Variants in MPG observed in about 807,000 individuals in gnomAD.
The protein encoded by MPG is DNA-3-methyladenine glycosylase.
Under a neutral mutation model 31.7 loss-of-function variants are expected in MPG, and 33 were observed. The observed-to-expected ratio is 1.04, with a 90% CI of 0.79 to 1.39. The LOEUF is 1.39. MPG is among the 40% of genes most tolerant of loss of function. The pLI, the probability that MPG is intolerant of heterozygous loss-of-function variation, is 0.00. For missense variants in MPG, 455 were observed against 415.5 expected (o/e 1.10, Z -0.83); for synonymous variants, 202 against 169.2 (o/e 1.19, Z -1.51).
chr16:79,090 AG>A, intron 1 of MPG: 2 of 1,444,374 alleles, frequency 1.4e-6, no homozygotes, highest in Non-Finnish European at 1.8e-6. Context: ...TGGGAATCGG[AG>A]GGCACCAGCC....
In MPG at chr16:78,250, G is replaced by T. The variant is rs946600819; in HGVS notation, c.-60G>T. The T allele has an allele frequency of 2.9e-6, 4 of 1,364,256 alleles. No individual in the cohort carries two copies. The East Asian group carries it at 1.3e-4, about 44-fold the overall frequency. The allele number at this position is 1,364,256 out of a possible 1,614,324, so 84.5% of individuals were successfully genotyped here. On this transcript the variant is annotated 5_prime_UTR_variant, in exon 1 of 4. Transcript: ENST00000356432. ...GGTCCTAGGGGTGCTTCCGTGGTCG[G>T]CGGCTGCTGGGCTCCGCGCCGGGGT...
intron 1 of MPG, among the ~76,000 whole-genome samples, chr16:78,961 CCT>C (rs771362692): frequency 3.3e-5 from 5 of 151,824 alleles, no homozygotes; most frequent in African/African-American, 4.9e-5. Flanking sequence ...CTCACCCCTC[CCT>C]GTGTGTCCGA....
At chr16:82,514 T>G (rs1357668392) in intron 2 of MPG, among the ~76,000 whole-genome samples, 4 of 151,940 alleles carry the variant, frequency 2.6e-5, no homozygotes, top group African/African-American at 9.7e-5. Context: ...CAGCTGGGCC[T>G]ACTGCTCAGA....
chr16:79,280 A>G (rs778674432), intron 1 of MPG, 145 bp from the exon 2 acceptor site: 12 of 1,572,728 alleles, frequency 7.6e-6, no homozygotes, highest in African/African-American at 4.1e-5. Flanking sequence ...TGTGCCTCAT[A>G]ACAACCCACA....
chr16:83,035 A>G lies in MPG; in HGVS notation c.301-17A>G. 2 of 1,574,670 alleles carry G rather than the reference A, an allele frequency of 1.3e-6. No individual in the cohort carries two copies. The highest frequency in any genetic ancestry group is 4.5e-5 in the East Asian group (2 of 44,418). On this transcript the variant is annotated splice_polypyrimidine_tract_variant and intron_variant, in intron 2 of 3. Transcript: ENST00000356432. The stretch of plus-strand genomic sequence containing the variant: ...CCCCATCCCTTCCCGCCCTGAGCAG[A>G]AACTGACTGCCCACAGGTCCTAGTC...
chr16:78,956 C>T (rs1348479611), intron 1 of MPG, among the ~76,000 whole-genome samples: 3 of 151,938 alleles, frequency 2.0e-5, no homozygotes, highest in Non-Finnish European at 4.4e-5. Flanking sequence ...CGGTGCTCAC[C>T]CCTCCCTGTG....
At chr16:83,030 A>G in intron 2 of MPG, 22 bp from the exon 3 acceptor site, 2 of 1,565,090 alleles carry the variant, frequency 1.3e-6, no homozygotes, top group East Asian at 2.3e-5. Flanking sequence ...TCCCGCCCTG[A>G]GCAGAAACTG....
Position 83,062 on chromosome 16 carries a change from G to A in MPG, c.311G>A (p.Arg104Gln), listed in dbSNP as rs144044199. 209 of 1,601,124 alleles carry A rather than the reference G, an allele frequency of 1.3e-4. No homozygotes were observed. The highest frequency in any genetic ancestry group is 1.4e-4 in the Non-Finnish European group (160 of 1,172,154). ...ACTGACTGCCCACAGGTCCTAGTCC[G>A]GCGACTTCCTAATGGCACAGAACTC... ...ARAFLGQVLV[R>Q]RLPNGTELRG... Residue 104 changes from arginine (R) to glutamine (Q), a missense_variant, in exon 3 of 4, where the codon CGG becomes CAG. Transcript: ENST00000356432.
In MPG at chr16:85,516, C is replaced by T. The variant is rs200202323; in HGVS notation, c.621C>T (p.Arg207=). Residue 207 remains arginine, a synonymous_variant, in exon 4 of 4, where the codon CGC becomes CGT. Coordinates refer to ENST00000356432, the MANE Select transcript of MPG (RefSeq NM_001015052.3). The part of the protein sequence containing the change: ...KGTASRVLKD[R]ELCSGPSKLC... ...CCGCCAGCCGTGTCCTCAAGGACCG[C>T]GAGCTCTGCAGTGGCCCCTCCAAGC... is the stretch of plus-strand genomic sequence containing the variant. 141 of 1,613,358 alleles carry T rather than the reference C, an allele frequency of 8.7e-5. No homozygotes were observed. The highest frequency in any genetic ancestry group is 1.2e-4 in the Admixed American group (7 of 60,024).
intron 2 of MPG, among the ~76,000 whole-genome samples, chr16:81,088 C>T (rs899721247): frequency 6.6e-6 from 1 of 152,166 alleles, no homozygotes; most frequent in Non-Finnish European, 1.5e-5. Context: ...CTTGCAGACC[C>T]CTCAGCCAGG....
At chr16:78,419 C>CG (rs1898150197) in intron 1 of MPG, 86 bp downstream of exon 1, 1 of 1,082,488 alleles carries the variant, frequency 9.2e-7, no homozygotes. Context: ...GCGGGAGTGC[C>CG]GGGGACGGGC....
chr16:77,655 T>G (rs73495108), upstream of MPG, among the ~76,000 whole-genome samples: 30 of 152,254 alleles, frequency 2.0e-4, no homozygotes, highest in African/African-American at 7.0e-4. Flanking sequence ...CGCCGCTCCC[T>G]CCTTCCTTCC....
At chr16:77,578 G>T (rs3176364), upstream of MPG, among the ~76,000 whole-genome samples, 1 of 152,098 alleles carries the variant, frequency 6.6e-6, no homozygotes, top group African/African-American at 2.4e-5. Flanking sequence ...CCAGAACGTG[G>T]GCGAGCTCCC....
rs577976419 is a variant in MPG at position 83,448 on chromosome 16, G to A, written c.505+192G>A. Reference sequence around the variant, plus strand: ...GCTGGTTAGGTTAAAGGGGTAGAAAGGGCCGGGTGGGGCCGGGCGCGGTGG... The same window carrying A: ...GCTGGTTAGGTTAAAGGGGTAGAAAAGGCCGGGTGGGGCCGGGCGCGGTGG... On this transcript the variant is annotated intron_variant, in intron 3 of 3. Transcript: ENST00000356432. 221 of 583,914 alleles carry A rather than the reference G, an allele frequency of 3.8e-4. 5 individuals are homozygous for A. The South Asian group carries it at 4.6e-3, about 12-fold the overall frequency. 36.2% of individuals were successfully genotyped at this position (583,914 alleles called of 1,614,324 possible).
At chr16:79,248 G>A (rs1311198424) in intron 1 of MPG, 177 bp from the exon 2 acceptor site, 3 of 1,552,832 alleles carry the variant, frequency 1.9e-6, no homozygotes, top group African/African-American at 1.4e-5. Flanking sequence ...ATTTCCTGAG[G>A]CCTCGAGTGT....
chr16:85,440 T>C lies in MPG; in HGVS notation c.545T>C (p.Leu182Pro), dbSNP rs1315280988. The C allele has an allele frequency of 8.7e-6, 14 of 1,611,926 alleles. No individual in the cohort carries two copies. In the South Asian group the frequency reaches 1.1e-4, roughly 13 times the overall value. The change falls in exon 4 of 4, where the codon CTG (leucine) becomes CCG (proline). Residue 182 changes from leucine to proline, a missense_variant. Transcript: ENST00000356432. ...GTCTTGCTGCGAGCACTGGAGCCCC[T>C]GGAAGGTCTGGAGACCATGCGTCAG... The part of the protein sequence containing the change: ...ACVLLRALEP[L>P]EGLETMRQLR...
rs1567123202 is a variant in MPG at position 79,528 on chromosome 16, C to T, written c.128C>T (p.Ser43Leu). Residue 43 changes from serine to leucine, a missense_variant, in exon 2 of 4, where the codon TCG becomes TTG. Physicochemically the swap from Ser to Leu is moderately radical, Grantham distance 145. Transcript: ENST00000356432. The part of the protein sequence containing the change: ...AQAPAEQPHS[S>L]SDAAQAPCPR... ...GCACCTGCAGAGCAGCCACACAGCT[C>T]GTCCGATGCAGCCCAGGCACCTTGC... is the stretch of plus-strand genomic sequence containing the variant. 15 of 1,612,920 alleles carry T rather than the reference C, an allele frequency of 9.3e-6. No homozygotes were observed. The highest frequency in any genetic ancestry group is 1.0e-5 in the Non-Finnish European group (12 of 1,179,944).
At position 78,237 on chromosome 16, in the gene MPG, G is replaced by C. The variant is rs1898142788; in HGVS notation, c.-73G>C. ...GCCGCTCCGCCCCGGTCCTAGGGGT[G>C]CTTCCGTGGTCGGCGGCTGCTGGGC... On this transcript the variant is annotated 5_prime_UTR_variant, in exon 1 of 4. Coordinates refer to ENST00000356432, the MANE Select transcript of MPG (RefSeq NM_001015052.3). 1 of 1,338,326 alleles carries C rather than the reference G, an allele frequency of 7.5e-7. No homozygotes were observed. 82.9% of individuals were successfully genotyped at this position (1,338,326 alleles called of 1,614,324 possible).
intron 3 of MPG, among the ~76,000 whole-genome samples, chr16:84,929 C>G (rs1898380657): frequency 6.6e-6 from 1 of 152,254 alleles, no homozygotes; most frequent in Admixed American, 6.5e-5. Context: ...TGGGGCCTGG[C>G]TAGGCCAAGG....
Sources: allele counts gnomAD v4.1 joint callset (sites outside exome capture counted in the v4.1 genomes callset), GRCh38; gene constraint gnomAD v4.1.1; transcripts MANE v1.5; gene names NCBI Gene and HGNC (gene_info 2026-07-23, HGNC 2026-07-21).